Variants in DOK5 observed in about 807,000 individuals in gnomAD.
DOK5 encodes the protein downstream of tyrosine kinase 5.
DOK5 carries 27 observed loss-of-function variants against 43.3 expected under a neutral mutation model. The ratio of observed to expected loss-of-function variants is 0.62; its 90% CI spans 0.46 to 0.86. DOK5 has a LOEUF of 0.86. Ranked by LOEUF, DOK5 falls within the 40% of genes least tolerant of loss-of-function variation. DOK5 has a pLI of 0.00. For missense variants in DOK5, 373 were observed against 392.9 expected (o/e 0.95, Z 0.43); for synonymous variants, 146 against 140.1 (o/e 1.04, Z -0.30).
In DOK5 at chr20:54,650,456, C is replaced by G; in HGVS notation, c.898C>G (p.Pro300Ala). ...GAAGCTTCATCGAACAGAGACTTTTCCAGCCTACAGATCTGAGCACTGACA... is the reference window on the plus strand; with the variant it reads ...GAAGCTTCATCGAACAGAGACTTTTGCAGCCTACAGATCTGAGCACTGACA... ...PLKLHRTETF[P>A]AYRSEH Residue 300 changes from proline to alanine, a missense_variant, in exon 8 of 8, where the codon CCA (proline) becomes GCA (alanine). Transcript: ENST00000262593. 6.2e-7 allele frequency: 1 copy of G among 1,614,054 alleles called. No homozygotes were observed. Among genetic ancestry groups the G allele is most frequent in the Middle Eastern group, 1.6e-4 (1 of 6,062 alleles).
intron 6 of DOK5, among the ~76,000 whole-genome samples, chr20:54,621,182 T>C (rs1288302767): frequency 6.6e-6 from 1 of 152,228 alleles, no homozygotes; most frequent in East Asian, 1.9e-4. Context: ...TGTGTTAGTG[T>C]TGGCTACCCT....
intron 1 of DOK5, among the ~76,000 whole-genome samples, chr20:54,482,663 A>C (rs1316101710): frequency 3.3e-5 from 5 of 152,078 alleles, no homozygotes; most frequent in Non-Finnish European, 7.3e-5. Context: ...CAGTTGGCTA[A>C]TTTTGGTATT....
chr20:54,568,727 G>A (rs546604585), intron 2 of DOK5, among the ~76,000 whole-genome samples: 26 of 152,118 alleles, frequency 1.7e-4, no homozygotes, highest in African/African-American at 6.0e-4. Flanking sequence ...TAAGGAGATC[G>A]AGACCATCCT....
chr20:54,563,164 C>T (rs1359280695), intron 2 of DOK5, among the ~76,000 whole-genome samples: 3 of 152,178 alleles, frequency 2.0e-5, no homozygotes, highest in Non-Finnish European at 4.4e-5. Flanking sequence ...CAGTAGGAAC[C>T]AACCCTGCCA....
At chr20:54,644,575 G>A (rs376941175) in intron 7 of DOK5, among the ~76,000 whole-genome samples, 8 of 151,790 alleles carry the variant, frequency 5.3e-5, no homozygotes, top group East Asian at 1.9e-4. Context: ...GCGTGGTGGC[G>A]GGCGCCTGTA....
chr20:54,650,212 C>A (rs1979634739), intron 7 of DOK5, among the ~76,000 whole-genome samples: 1 of 152,200 alleles, frequency 6.6e-6, no homozygotes, highest in Non-Finnish European at 1.5e-5. Context: ...CTGACCATGG[C>A]TCAGCCCAAA....
chr20:54,586,676 C>G (rs2146764639), intron 2 of DOK5, among the ~76,000 whole-genome samples: 1 of 152,186 alleles, frequency 6.6e-6, no homozygotes, highest in African/African-American at 2.4e-5. Flanking sequence ...TTGAGACTGA[C>G]TAGGTGTTAG....
chr20:54,645,925 CAAAAAAAAAAAAAAAAAAA>C lies in DOK5; in HGVS notation c.856+2360_856+2378del, dbSNP rs550943378. On this transcript the variant is annotated intron_variant, in intron 7 of 7. Coordinates refer to ENST00000262593, the MANE Select transcript of DOK5 (RefSeq NM_018431.5). Reference sequence around the variant, plus strand: ...AGAGCATGGCACATAGCAGATGCTGCAAAAAAAAAAAAAAAAAAAAAAAAAAAAAAAGATACTGAGTGCC... The same window carrying C: ...AGAGCATGGCACATAGCAGATGCTGCAAAAAAAAAAAAGATACTGAGTGCC... 2.2e-4 allele frequency among the ~76,000 whole-genome samples: 19 copies of C among 85,878 alleles called. 2 individuals carry two copies. Among genetic ancestry groups the C allele is most frequent in the African/African-American group, 8.2e-4 (19 of 23,152 alleles). The allele number at this position is 85,878 out of a possible 152,430, so 56.3% of individuals were successfully genotyped here.
At chr20:54,490,879 C>T (rs1024598619) in intron 1 of DOK5, among the ~76,000 whole-genome samples, 16 of 152,348 alleles carry the variant, frequency 1.1e-4, no homozygotes, top group Non-Finnish European at 1.5e-4. Context: ...TGAGCCACCG[C>T]GCCCAGCCTC....
At chr20:54,615,781 G>A (rs1347850776) in intron 6 of DOK5, among the ~76,000 whole-genome samples, 2 of 152,130 alleles carry the variant, frequency 1.3e-5, no homozygotes, top group South Asian at 2.1e-4. Context: ...GTGGTGGCGT[G>A]TGCCTGTAGT....
chr20:54,601,895 C>T (rs6023400), intron 5 of DOK5, among the ~76,000 whole-genome samples: 7,152 of 152,246 alleles, frequency 0.047, 463 homozygotes, highest in African/African-American at 0.15. Context: ...GAGGGCGATT[C>T]CTGTTTCCAA....
chr20:54,623,025 C>T (rs1287091432), intron 6 of DOK5, among the ~76,000 whole-genome samples: 1 of 152,220 alleles, frequency 6.6e-6, no homozygotes, highest in South Asian at 2.1e-4. Flanking sequence ...TCCTGTGAAG[C>T]CAGCCCCAGT....
chr20:54,485,284 C>A (rs978634670), intron 1 of DOK5, among the ~76,000 whole-genome samples: 2 of 146,900 alleles, frequency 1.4e-5, no homozygotes, highest in Non-Finnish European at 3.0e-5. Flanking sequence ...CAGTGAGCGG[C>A]GGAGGTTGCA....
chr20:54,628,266 C>T (rs948683989), intron 6 of DOK5, among the ~76,000 whole-genome samples: 6 of 150,816 alleles, frequency 4.0e-5, no homozygotes, highest in South Asian at 2.1e-4. Context: ...AAAATTAGCC[C>T]GGCGTGGTGG....
At chr20:54,552,145 A>G (rs1008463702) in intron 1 of DOK5, among the ~76,000 whole-genome samples, 1 of 152,208 alleles carries the variant, frequency 6.6e-6, no homozygotes, top group Non-Finnish European at 1.5e-5. Context: ...ATTAACTTTT[A>G]TTAAACAAAA....
At chr20:54,476,092 G>C in intron 1 of DOK5, 80 bp downstream of exon 1, 6 of 1,588,876 alleles carry the variant, frequency 3.8e-6, no homozygotes, top group Non-Finnish European at 5.1e-6. Context: ...GAGGGTGGAC[G>C]GAGAGTCCCC....
intron 1 of DOK5, among the ~76,000 whole-genome samples, chr20:54,506,546 C>T (rs1982810656): frequency 6.6e-6 from 1 of 152,164 alleles, no homozygotes; most frequent in African/African-American, 2.4e-5. Flanking sequence ...CCGCAGCCTC[C>T]ACCTCCTGGG....
chr20:54,540,643 A>C (rs569303631), intron 1 of DOK5, among the ~76,000 whole-genome samples: 2 of 152,162 alleles, frequency 1.3e-5, no homozygotes, highest in South Asian at 4.2e-4. Context: ...CAGCCTCCCA[A>C]GTAGCTGGGA....
chr20:54,588,611 A>G lies in DOK5; in HGVS notation c.289+14A>G. On this transcript the variant is annotated intron_variant, in intron 3 of 7. Transcript: ENST00000262593. Reference sequence around the variant, plus strand: ...CTTGCGAATCAGGTTTGTCTCAGGCAGGGCTGGGGGGCTTTTGCTTTTAGA... The same window carrying G: ...CTTGCGAATCAGGTTTGTCTCAGGCGGGGCTGGGGGGCTTTTGCTTTTAGA... 1 of 1,614,124 alleles carries G rather than the reference A, an allele frequency of 6.2e-7. No homozygotes were observed.
Sources: gnomAD v4.1 joint callset for allele counts (sites outside exome capture counted in the v4.1 genomes callset) on GRCh38, gnomAD v4.1.1 for gene constraint, MANE v1.5 for transcripts, NCBI Gene and HGNC (gene_info 2026-07-23, HGNC 2026-07-21) for gene names.